The following C21orf58 variants were observed in gnomAD, a reference collection of about 807,000 sequenced individuals.
C21orf58 encodes the protein uncharacterized protein C21orf58.
A neutral mutation model predicts 35.8 loss-of-function variants in C21orf58; 34 were observed. That is an observed-to-expected ratio of 0.95 (90% CI 0.72 to 1.26). C21orf58 has a LOEUF of 1.26. C21orf58 is among the 50% of genes most tolerant of loss of function. The probability of loss-of-function intolerance (pLI) is 0.00; values close to 1 mark genes in which losing one functional copy is unlikely to be tolerated. For missense variants in C21orf58, 440 were observed against 414.3 expected, an observed-to-expected ratio of 1.06 and a Z score of -0.54; for synonymous variants, 191 against 175.8, an observed-to-expected ratio of 1.09 and a Z score of -0.68.
chr21:46,306,771 A>G (rs2082436260), intron 6 of C21orf58, among the ~76,000 whole-genome samples: 1 of 152,074 alleles, frequency 6.6e-6, no homozygotes, highest in African/African-American at 2.4e-5. Context: ...ATTTTTTTGT[A>G]GAGATGGAGT....
intron 5 of C21orf58, 29 bp from the exon 6 acceptor site, chr21:46,311,596 G>A (rs767445164): frequency 3.6e-6 from 5 of 1,395,324 alleles, no homozygotes; most frequent in East Asian, 4.7e-5. Flanking sequence ...TTAGCTATCT[G>A]CATATGTCCT....
In C21orf58 at chr21:46,318,074, T is replaced by C. The variant is rs963558161; in HGVS notation, c.247A>G (p.Thr83Ala). 1.2e-6 allele frequency: 2 copies of C among 1,613,330 alleles called. No individual in the cohort carries two copies. The highest frequency in any genetic ancestry group is 1.1e-5 in the South Asian group (1 of 91,082). Residue 83 changes from threonine to alanine, a missense_variant, in exon 2 of 8, where the codon ACC (threonine) becomes GCC (alanine). Transcript: ENST00000291691. ...TCTGCTGCTGATGAGTCCAGCATGG[T>C]GGGAGCTGCAGGAGACGACTGTAGG... ...LPLQSSPAAP[T>A]MLDSSAAEQV...
chr21:46,302,438 C>T (rs1276315411), intron 7 of C21orf58, 47 bp downstream of exon 7: 2 of 1,436,834 alleles, frequency 1.4e-6, no homozygotes, highest in African/African-American at 1.4e-5. Context: ...AAAAACCACC[C>T]AGGCCCTGTT....
At chr21:46,319,133 C>G (rs929005724) in intron 1 of C21orf58, 1 of 152,418 alleles carries the variant, frequency 6.6e-6, no homozygotes, top group African/African-American at 2.4e-5. Flanking sequence ...TGTAGGGACC[C>G]TGAAGCTGGA....
At chr21:46,310,530 C>T (rs978606882) in intron 6 of C21orf58, among the ~76,000 whole-genome samples, 1 of 151,510 alleles carries the variant, frequency 6.6e-6, no homozygotes, top group Non-Finnish European at 1.5e-5. Context: ...CAAATTGGGC[C>T]GGGCACAGTG....
chr21:46,317,439 G>T, intron 2 of C21orf58, 171 bp from the exon 3 acceptor site: 1 of 1,083,436 alleles, frequency 9.2e-7, no homozygotes, highest in Non-Finnish European at 1.3e-6. Context: ...TCCCTGAGCT[G>T]CCTCTGTAAG....
At chr21:46,315,052 G>C in intron 4 of C21orf58, 172 bp from the exon 5 acceptor site, 1 of 1,511,572 alleles carries the variant, frequency 6.6e-7, no homozygotes, top group Non-Finnish European at 8.9e-7. Flanking sequence ...GTGGCCTCCT[G>C]AAATTGACCC....
chr21:46,320,978 C>A (rs1381143592), intron 1 of C21orf58, among the ~76,000 whole-genome samples: 1 of 152,112 alleles, frequency 6.6e-6, no homozygotes, highest in East Asian at 1.9e-4. Context: ...ATTGCCTCCT[C>A]GGGATCTCTA....
chr21:46,307,093 A>G (rs554351989), intron 6 of C21orf58, among the ~76,000 whole-genome samples: 60 of 142,068 alleles, frequency 4.2e-4, no homozygotes, highest in Non-Finnish European at 7.1e-4. Flanking sequence ...ACGGGATTTC[A>G]CCATGTTGGC....
At chr21:46,303,728 TATATATATATATA>T (rs1569116176) in intron 6 of C21orf58, among the ~76,000 whole-genome samples, 3 of 26,822 alleles carry the variant, frequency 1.1e-4, no homozygotes, top group Non-Finnish European at 1.4e-4. Flanking sequence ...TATATATATA[TATATATATATATA>T]TATATTTTTT....
downstream of C21orf58, chr21:46,300,640 C>A: frequency 8.1e-7 from 1 of 1,233,544 alleles, no homozygotes; most frequent in Non-Finnish European, 1.0e-6. Context: ...CACACCTGCC[C>A]GTCCATGTCA....
intron 6 of C21orf58, among the ~76,000 whole-genome samples, chr21:46,303,125 C>T (rs1409045511): frequency 6.6e-6 from 1 of 151,936 alleles, no homozygotes; most frequent in African/African-American, 2.4e-5. Context: ...GATCGTGCCA[C>T]TGTACTCCAG....
At chr21:46,304,020 G>T (rs867840936) in intron 6 of C21orf58, among the ~76,000 whole-genome samples, 2,465 of 45,648 alleles carry the variant, frequency 0.054, 163 homozygotes, top group Non-Finnish European at 0.074. Flanking sequence ...CAAAGTGCTG[G>T]TTTTTTTTTT....
intron 6 of C21orf58, 24 bp from the exon 7 acceptor site, chr21:46,302,600 C>T (rs746570206): frequency 6.9e-6 from 11 of 1,584,420 alleles, no homozygotes; most frequent in Non-Finnish European, 9.5e-6. Flanking sequence ...GCAGGGGGAC[C>T]CTGAATAAAG....
In C21orf58 at chr21:46,314,675, C is replaced by T; in HGVS notation, c.609+41G>A. The T allele has an allele frequency of 2.2e-6, 3 of 1,369,354 alleles. No homozygotes were observed. The South Asian group carries it at 4.6e-5, about 21-fold the overall frequency. The allele number at this position is 1,369,354 out of a possible 1,614,324, so 84.8% of individuals were successfully genotyped here. A position where few individuals can be genotyped will look rare whatever the true frequency, so the allele number is the denominator to read the frequency against. Reference sequence around the variant, plus strand: ...CTGTAAAATCTTAATTCCGCACCCGCCTCCCACTCTCAGATGTGCTCCTCG... The same window carrying T: ...CTGTAAAATCTTAATTCCGCACCCGTCTCCCACTCTCAGATGTGCTCCTCG... On this transcript the variant is annotated intron_variant, in intron 5 of 7. Coordinates refer to ENST00000291691, the MANE Select transcript of C21orf58 (RefSeq NM_058180.5).
chr21:46,306,100 G>C (rs1344825321), intron 6 of C21orf58, among the ~76,000 whole-genome samples: 1 of 150,588 alleles, frequency 6.6e-6, no homozygotes, highest in Non-Finnish European at 1.5e-5. Context: ...CATGAGATGG[G>C]AATATAATCC....
chr21:46,314,719 A>G lies in C21orf58; in HGVS notation c.606T>C (p.Pro202=). The G allele has an allele frequency of 6.8e-7, 1 of 1,462,024 alleles. No homozygotes were observed. Among genetic ancestry groups the G allele is most frequent in the Non-Finnish European group, 9.1e-7 (1 of 1,099,592 alleles). The allele number at this position is 1,462,024 out of a possible 1,614,324, so 90.6% of individuals were successfully genotyped here. ...CTCCTCGACTTCGCCCTCTTACCGT[A>G]GGCAGGATGATCCTTGGCGGGTCTG... is the stretch of plus-strand genomic sequence containing the variant. ...LAPDPPRIIL[P]TVPQPPATII... Residue 202 remains proline (P), a synonymous_variant, in exon 5 of 8, where the codon CCT becomes CCC. Coordinates refer to ENST00000291691, the MANE Select transcript of C21orf58 (RefSeq NM_058180.5).
intron 5 of C21orf58, chr21:46,312,909 C>A: frequency 1.3e-6 from 1 of 752,800 alleles, no homozygotes; most frequent in Non-Finnish European, 1.6e-6. Flanking sequence ...ATATAGAACA[C>A]GTCATGAAAA....
rs141324456 is a variant in C21orf58, at chr21:46,322,681, G to C, written c.58C>G (p.Gln20Glu). ...SLRKPWKLDR[Q>E]KLPSPDSGHS... ...CCTGAGTCAGGAGAAGGAAGTTTCT[G>C]GCGGTCGAGCTTCCACGGCTTCCTG... Residue 20 changes from glutamine (Q) to glutamate (E), a missense_variant, in exon 1 of 8, where the codon CAG becomes GAG. Transcript: ENST00000291691. 2.7e-4 allele frequency: 422 copies of C among 1,588,906 alleles called. No homozygotes were observed. Among genetic ancestry groups the C allele is most frequent in the Non-Finnish European group, 3.3e-4 (390 of 1,167,200 alleles).
Sources: allele counts gnomAD v4.1 joint callset (sites outside exome capture counted in the v4.1 genomes callset), GRCh38; gene constraint gnomAD v4.1.1; transcripts MANE v1.5; gene names NCBI Gene and HGNC (gene_info 2026-07-23, HGNC 2026-07-21).